MGAT4C: variants seen among roughly 807,000 people sequenced by gnomAD.
The protein encoded by MGAT4C is alpha-1,3-mannosyl-glycoprotein 4-beta-N-acetylglucosaminyltransferase C.
In MGAT4C, 19 loss-of-function variants were observed where a neutral mutation model predicts 40.1. The ratio of observed to expected loss-of-function variants is 0.47; its 90% CI spans 0.33 to 0.70. The LOEUF is 0.70. MGAT4C is among the 30% of genes least tolerant of loss of function. The probability of loss-of-function intolerance (pLI) is 0.02; values close to 1 mark genes in which losing one functional copy is unlikely to be tolerated. For missense variants in MGAT4C, 491 were observed against 563.2 expected (o/e 0.87, Z 1.30); for synonymous variants, 181 against 187.1 (o/e 0.97, Z 0.27).
chr12:86,674,146 T>G (rs1025720013), intron 2 of MGAT4C, among the ~76,000 whole-genome samples: 29 of 152,140 alleles, frequency 1.9e-4, no homozygotes, highest in Non-Finnish European at 3.4e-4. Context: ...ATGTATAAAA[T>G]GCTAAATATA....
intron 2 of MGAT4C, among the ~76,000 whole-genome samples, chr12:86,459,532 C>T (rs1193642085): frequency 1.3e-5 from 2 of 152,014 alleles, no homozygotes; most frequent in African/African-American, 2.4e-5. Flanking sequence ...GAGAACCTCA[C>T]TCATGCGGTC....
At chr12:86,223,988 C>T (rs1283583536) in intron 1 of MGAT4C, among the ~76,000 whole-genome samples, 1 of 152,060 alleles carries the variant, frequency 6.6e-6, no homozygotes, top group Non-Finnish European at 1.5e-5. Context: ...GAGAATCTGC[C>T]CAAAACCTGG....
At position 86,312,319 on chromosome 12, in the gene MGAT4C, TAC is replaced by T. The variant is rs1954099491; in HGVS notation, c.-57+21744_-57+21745del. ...AGGCAATTCTATTTAGAAGCCGCAT[TAC>T]ACTCTACCCCAAATCTGGAAAGTGT... On this transcript the variant is annotated intron_variant, in intron 4 of 7. Transcript: ENST00000548651. Among the ~76,000 whole-genome samples, 3 of 152,344 alleles carry T rather than the reference TAC, an allele frequency of 2.0e-5. No individual in the cohort carries two copies. In the South Asian group the frequency reaches 6.2e-4, roughly 32 times the overall value.
chr12:86,521,206 T>A (rs1411452875), intron 2 of MGAT4C, among the ~76,000 whole-genome samples: 1 of 152,208 alleles, frequency 6.6e-6, no homozygotes, highest in African/African-American at 2.4e-5. Flanking sequence ...GTTTTAGATT[T>A]TACATTTAAG....
intron 4 of MGAT4C, among the ~76,000 whole-genome samples, chr12:86,292,675 G>T (rs1953553720): frequency 6.6e-6 from 1 of 152,100 alleles, no homozygotes; most frequent in South Asian, 2.1e-4. Context: ...CACGAAAACT[G>T]CTGTTCCATT....
intron 1 of MGAT4C, among the ~76,000 whole-genome samples, chr12:86,061,793 C>T (rs1327268723): frequency 1.3e-5 from 2 of 152,136 alleles, no homozygotes; most frequent in African/African-American, 4.8e-5. Context: ...CACAGCTCAG[C>T]AAGTCCACTG....
intron 1 of MGAT4C, among the ~76,000 whole-genome samples, chr12:86,737,341 A>C (rs930148089): frequency 3.1e-5 from 2 of 63,962 alleles, no homozygotes; most frequent in East Asian, 4.6e-4. Context: ...CAACTAAAAT[A>C]CTTTTTTTTT....
At chr12:86,468,750 A>G (rs1957717297) in intron 2 of MGAT4C, among the ~76,000 whole-genome samples, 1 of 151,940 alleles carries the variant, frequency 6.6e-6, no homozygotes, top group Admixed American at 6.6e-5. Flanking sequence ...TTCCCATTTT[A>G]TTACCTTTAC....
intron 2 of MGAT4C, among the ~76,000 whole-genome samples, chr12:86,519,255 A>G (rs1019832466): frequency 1.3e-5 from 2 of 152,220 alleles, no homozygotes; most frequent in Non-Finnish European, 2.9e-5. Context: ...TAATGATTGA[A>G]TAACATTCCA....
At chr12:86,563,049 T>C (rs1007344586) in intron 2 of MGAT4C, among the ~76,000 whole-genome samples, 1 of 152,052 alleles carries the variant, frequency 6.6e-6, no homozygotes, top group Non-Finnish European at 1.5e-5. Context: ...TGGAGAGGAT[T>C]AGTCACTTTA....
chr12:86,637,433 G>A (rs909450716), intron 2 of MGAT4C, among the ~76,000 whole-genome samples: 5 of 151,748 alleles, frequency 3.3e-5, no homozygotes, highest in African/African-American at 9.7e-5. Flanking sequence ...GAATACCCAG[G>A]ATTATTTTAA....
chr12:86,271,045 C>T (rs1319163336), intron 4 of MGAT4C, among the ~76,000 whole-genome samples: 5 of 151,998 alleles, frequency 3.3e-5, no homozygotes, highest in African/African-American at 1.2e-4. Flanking sequence ...AAATATAAGA[C>T]AAGAAAATAC....
intron 1 of MGAT4C, among the ~76,000 whole-genome samples, chr12:86,772,978 T>C (rs1951664775): frequency 6.6e-6 from 1 of 152,106 alleles, no homozygotes; most frequent in African/African-American, 2.4e-5. Context: ...GACTAGGGGC[T>C]GCTGGGATGG....
At chr12:86,317,795 AT>A (rs1954280514) in intron 4 of MGAT4C, among the ~76,000 whole-genome samples, 1 of 151,802 alleles carries the variant, frequency 6.6e-6, no homozygotes, top group South Asian at 2.1e-4. Context: ...AGTTTCATGT[AT>A]ATAAGAGACA....
At chr12:86,552,264 A>T (rs1565844086) in intron 2 of MGAT4C, among the ~76,000 whole-genome samples, 1 of 152,074 alleles carries the variant, frequency 6.6e-6, no homozygotes. Flanking sequence ...AAGTGAAGTT[A>T]GTGAGAAATT....
chr12:86,835,847 AC>A (rs1490865437), intron 1 of MGAT4C, among the ~76,000 whole-genome samples: 1 of 151,632 alleles, frequency 6.6e-6, no homozygotes, highest in Non-Finnish European at 1.5e-5. Context: ...CACAGCCAAA[AC>A]CCCCCTCCAC....
chr12:86,803,732 G>C (rs1227471800), intron 1 of MGAT4C, among the ~76,000 whole-genome samples: 1 of 150,394 alleles, frequency 6.6e-6, no homozygotes, highest in Non-Finnish European at 1.5e-5. Flanking sequence ...TCTCACACCA[G>C]TTAGAATGGC....
At chr12:86,129,448 A>G (rs1809485762) in intron 1 of MGAT4C, among the ~76,000 whole-genome samples, 1 of 152,208 alleles carries the variant, frequency 6.6e-6, no homozygotes, top group South Asian at 2.1e-4. Flanking sequence ...CACAGAGAGA[A>G]AAACAGAGAG....
intron 2 of MGAT4C, among the ~76,000 whole-genome samples, chr12:86,683,392 A>G (rs752984793): frequency 8.5e-5 from 13 of 152,202 alleles, no homozygotes; most frequent in Non-Finnish European, 1.8e-4. Context: ...AACTTTACAT[A>G]GTTAATGAGC....
Sources: allele counts gnomAD v4.1 joint callset (sites outside exome capture counted in the v4.1 genomes callset), GRCh38; gene constraint gnomAD v4.1.1; transcripts MANE v1.5; gene names NCBI Gene and HGNC (gene_info 2026-07-23, HGNC 2026-07-21).